C1GALT1: variants seen among roughly 807,000 people sequenced by gnomAD.
The protein encoded by C1GALT1 is glycoprotein-N-acetylgalactosamine 3-beta-galactosyltransferase 1.
A neutral mutation model predicts 31.0 loss-of-function variants in C1GALT1; 11 were observed. The ratio of observed to expected loss-of-function variants is 0.36; its 90% CI spans 0.22 to 0.59. C1GALT1 has a LOEUF of 0.59. Ranked by LOEUF, C1GALT1 falls within the 20% of genes least tolerant of loss-of-function variation. The pLI, the probability that C1GALT1 is intolerant of heterozygous loss-of-function variation, is 0.79. For missense variants in C1GALT1, 424 were observed against 425.2 expected, an observed-to-expected ratio of 1.00 and a Z score of 0.03; for synonymous variants, 175 against 143.6, an observed-to-expected ratio of 1.22 and a Z score of -1.56.
rs994165811 is a variant in C1GALT1, at chr7:7,222,373, G to C, written c.-17-11930G>C. Among the ~76,000 whole-genome samples, 4 of 152,192 alleles carry C rather than the reference G, an allele frequency of 2.6e-5. No individual in the cohort carries two copies. The South Asian group carries it at 8.3e-4, about 31-fold the overall frequency. On this transcript the variant is annotated intron_variant, in intron 1 of 3. Coordinates refer to ENST00000436587, the MANE Select transcript of C1GALT1 (RefSeq NM_020156.5). Reference sequence around the variant, plus strand: ...AGATTGAGAGACTTCGTCCAGGAAAGTCTGGACCTTTTTGAAGTCTGGCTC... The same window carrying C: ...AGATTGAGAGACTTCGTCCAGGAAACTCTGGACCTTTTTGAAGTCTGGCTC...
Position 7,244,475 on chromosome 7 carries a change from T to C in C1GALT1, c.*748T>C, listed in dbSNP as rs545070737. On this transcript the variant is annotated 3_prime_UTR_variant, in exon 4 of 4. Coordinates refer to ENST00000436587, the MANE Select transcript of C1GALT1 (RefSeq NM_020156.5). ...CCATTCTCCACTATTAACATTAATT[T>C]ACTCAAACCGTTCATAGCATTCTGT... is the stretch of plus-strand genomic sequence containing the variant. The C allele has an allele frequency of 3.9e-5, 6 of 152,308 alleles. No homozygotes were observed. Among genetic ancestry groups the C allele is most frequent in the Non-Finnish European group, 8.8e-5 (6 of 67,994 alleles). 9.4% of individuals were successfully genotyped at this position (152,308 alleles called of 1,614,324 possible).
chr7:7,183,539 C>T, intron 1 of C1GALT1: 2 of 983,304 alleles, frequency 2.0e-6, no homozygotes, highest in Non-Finnish European at 2.4e-6. Context: ...TTTTCCCCAA[C>T]AAATTGTGAT....
chr7:7,234,293 G>A lies in C1GALT1; in HGVS notation c.-17-10G>A, dbSNP rs1783233061. 6.3e-7 allele frequency: 1 copy of A among 1,592,800 alleles called. No individual in the cohort carries two copies. The highest frequency in any genetic ancestry group is 1.3e-5 in the African/African-American group (1 of 74,224). Reference sequence around the variant, plus strand: ...ATTTTATAACATCCTGCTAATTTTTGTTCTTACAGAAATACACTTTCGGGA... The same window carrying A: ...ATTTTATAACATCCTGCTAATTTTTATTCTTACAGAAATACACTTTCGGGA... On this transcript the variant is annotated splice_polypyrimidine_tract_variant and intron_variant, in intron 1 of 3. Transcript: ENST00000436587.
chr7:7,230,013 C>G (rs770074059), intron 1 of C1GALT1, among the ~76,000 whole-genome samples: 1 of 152,188 alleles, frequency 6.6e-6, no homozygotes, highest in Non-Finnish European at 1.5e-5. Flanking sequence ...TACTGGGCAG[C>G]TTTGCTTATA....
At chr7:7,178,793 G>C (rs979385477), upstream of C1GALT1, among the ~76,000 whole-genome samples, 9 of 152,150 alleles carry the variant, frequency 5.9e-5, no homozygotes, top group African/African-American at 1.9e-4. Flanking sequence ...ATTGTGCTAG[G>C]CTCTATTATA....
At chr7:7,196,309 C>G (rs6951671) in intron 1 of C1GALT1, among the ~76,000 whole-genome samples, 279 of 150,066 alleles carry the variant, frequency 1.9e-3, no homozygotes, top group African/African-American at 6.6e-3. Flanking sequence ...TGAGAACATA[C>G]GGTGTTTGGT....
At chr7:7,190,533 T>G (rs1344240357) in intron 1 of C1GALT1, among the ~76,000 whole-genome samples, 1 of 152,160 alleles carries the variant, frequency 6.6e-6, no homozygotes, top group African/African-American at 2.4e-5. Context: ...ACAAATGCAT[T>G]TTTTTAAACA....
intron 1 of C1GALT1, among the ~76,000 whole-genome samples, chr7:7,212,818 A>AG (rs1782066445): frequency 6.6e-6 from 1 of 152,208 alleles, no homozygotes. Flanking sequence ...GGAATGTTAC[A>AG]AAGTACATTC....
chr7:7,162,067 C>CT (rs66672219), intron 2 of C1GALT1, among the ~76,000 whole-genome samples: 19 of 105,484 alleles, frequency 1.8e-4, no homozygotes, highest in East Asian at 3.1e-4. Flanking sequence ...TTCTTCATTT[C>CT]TTTTTTTTTT....
chr7:7,169,317 G>A (rs1418888279), intron 2 of C1GALT1, among the ~76,000 whole-genome samples: 13 of 152,100 alleles, frequency 8.5e-5, no homozygotes, highest in Non-Finnish European at 1.6e-4. Flanking sequence ...CACAACAAAC[G>A]TTCATGTACA....
chr7:7,173,889 A>C (rs189200626), intron 2 of C1GALT1, among the ~76,000 whole-genome samples: 23 of 152,312 alleles, frequency 1.5e-4, no homozygotes, highest in Admixed American at 1.5e-3. Context: ...CCTGGGTTCC[A>C]GAGCAAGACT....
intron 1 of C1GALT1, among the ~76,000 whole-genome samples, chr7:7,206,011 T>C (rs1447239004): frequency 6.6e-6 from 1 of 152,234 alleles, no homozygotes; most frequent in Non-Finnish European, 1.5e-5. Context: ...GTGTATTCTA[T>C]AAGCTATTTT....
Position 7,187,242 on chromosome 7 carries a change from A to T in C1GALT1, c.-18+4422A>T, listed in dbSNP as rs548340589. Reference sequence around the variant, plus strand: ...TAGTGTTAAAAGTAGTCTTATCTCTATTCTTCCTGAGATTTTTTTTTTTTT... The same window carrying T: ...TAGTGTTAAAAGTAGTCTTATCTCTTTTCTTCCTGAGATTTTTTTTTTTTT... On this transcript the variant is annotated intron_variant, in intron 1 of 3. Transcript: ENST00000436587. 2.7e-5 allele frequency among the ~76,000 whole-genome samples: 4 copies of T among 149,432 alleles called. No individual in the cohort carries two copies. The South Asian group carries it at 8.3e-4, about 31-fold the overall frequency.
At chr7:7,205,260 A>G (rs953163243) in intron 1 of C1GALT1, among the ~76,000 whole-genome samples, 1 of 152,092 alleles carries the variant, frequency 6.6e-6, no homozygotes, top group Non-Finnish European at 1.5e-5. Flanking sequence ...TATCCCCCCC[A>G]CGGAAATCTG....
At chr7:7,165,689 G>A (rs903028222) in intron 2 of C1GALT1, among the ~76,000 whole-genome samples, 1 of 152,016 alleles carries the variant, frequency 6.6e-6, no homozygotes, top group Non-Finnish European at 1.5e-5. Flanking sequence ...ATGAATAGTT[G>A]TAAGCACCAA....
intron 1 of C1GALT1, among the ~76,000 whole-genome samples, chr7:7,212,789 A>G (rs1782065613): frequency 6.6e-6 from 1 of 152,078 alleles, no homozygotes; most frequent in Admixed American, 6.6e-5. Flanking sequence ...GGGAGGGTGT[A>G]TTGTCACAAG....
At chr7:7,228,372 C>A (rs1242513250) in intron 1 of C1GALT1, among the ~76,000 whole-genome samples, 1 of 152,148 alleles carries the variant, frequency 6.6e-6, no homozygotes, top group Non-Finnish European at 1.5e-5. Context: ...TTTAAAATAT[C>A]CTCAAGCGAT....
In C1GALT1 at chr7:7,244,286, G is replaced by A. The variant is rs752395397; in HGVS notation, c.*559G>A. On this transcript the variant is annotated 3_prime_UTR_variant, in exon 4 of 4. Transcript: ENST00000436587. The stretch of plus-strand genomic sequence containing the variant: ...TTTATAATTGGTAGTATTTCTTCCA[G>A]AAGAAGCTAAAATAAGACTGGCACT... 6.6e-6 allele frequency: 1 copy of A among 152,066 alleles called. No individual in the cohort carries two copies. Among genetic ancestry groups the A allele is most frequent in the Non-Finnish European group, 1.5e-5 (1 of 67,976 alleles). The allele number at this position is 152,066 out of a possible 1,614,324, so 9.4% of individuals were successfully genotyped here. A position where few individuals can be genotyped will look rare whatever the true frequency, so the allele number is the denominator to read the frequency against.
intron 1 of C1GALT1, among the ~76,000 whole-genome samples, chr7:7,211,609 G>C (rs1246944303): frequency 1.3e-5 from 2 of 152,142 alleles, no homozygotes; most frequent in Admixed American, 1.3e-4. Context: ...CCACAAGTGT[G>C]GTGTAGTAGA....
Sources: allele counts gnomAD v4.1 joint callset (sites outside exome capture counted in the v4.1 genomes callset), GRCh38; gene constraint gnomAD v4.1.1; transcripts MANE v1.5; gene names NCBI Gene and HGNC (gene_info 2026-07-23, HGNC 2026-07-21).